The following TSPAN14 variants were observed in gnomAD, a reference collection of about 807,000 sequenced individuals.
TSPAN14 encodes the protein tetraspanin 14, also known as tetraspanin-14.
TSPAN14 carries 16 observed loss-of-function variants against 36.6 expected under a neutral mutation model. The ratio of observed to expected loss-of-function variants is 0.44; its 90% CI spans 0.30 to 0.66. TSPAN14 has a LOEUF of 0.66. Ranked by LOEUF, TSPAN14 falls within the 30% of genes least tolerant of loss-of-function variation. The pLI, the probability that TSPAN14 is intolerant of heterozygous loss-of-function variation, is 0.12. For synonymous variants in TSPAN14, 139 were observed against 143.8 expected (o/e 0.97, Z 0.24); for missense variants, 231 against 355.1 (o/e 0.65, Z 2.81).
intron 2 of TSPAN14, among the ~76,000 whole-genome samples, chr10:80,496,814 A>AT (rs1332809214): frequency 2.0e-5 from 3 of 151,786 alleles, no homozygotes; most frequent in Non-Finnish European, 4.4e-5. Flanking sequence ...ACATTTAGGT[A>AT]TTTTTTATGT....
chr10:80,478,879 A>G (rs890837910), intron 1 of TSPAN14, among the ~76,000 whole-genome samples: 3 of 152,170 alleles, frequency 2.0e-5, no homozygotes, highest in Non-Finnish European at 2.9e-5. Flanking sequence ...AAAATTCCAC[A>G]ATGGTTGAAC....
At chr10:80,518,292 C>T (rs1167740755) in exon 9 of TSPAN14, 1 of 416,990 alleles carries the variant, frequency 2.4e-6, no homozygotes, top group Admixed American at 4.0e-5. Context: ...GACTCAGACC[C>T]CCTGCAGCTC....
intron 4 of TSPAN14, among the ~76,000 whole-genome samples, chr10:80,507,603 C>G (rs1452591405): frequency 2.0e-5 from 3 of 152,212 alleles, no homozygotes; most frequent in Admixed American, 2.0e-4. Flanking sequence ...TGGGAGGAGC[C>G]AGCTGCCTAT....
chr10:80,463,967 A>G (rs911345705), intron 1 of TSPAN14, among the ~76,000 whole-genome samples: 5 of 152,202 alleles, frequency 3.3e-5, no homozygotes, highest in African/African-American at 4.8e-5. Flanking sequence ...CTCCATATTT[A>G]CAGCCCTTGG....
chr10:80,520,839 C>T, exon 9 of TSPAN14: 2 of 532,728 alleles, frequency 3.8e-6, no homozygotes, highest in South Asian at 2.8e-5. Context: ...CCAGACACTG[C>T]ACCTCCTGAA....
intron 8 of TSPAN14, 21 bp downstream of exon 8, chr10:80,516,344 G>C: frequency 6.2e-7 from 1 of 1,613,682 alleles, no homozygotes; most frequent in Non-Finnish European, 8.5e-7. Context: ...GGAGCCTATA[G>C]GATTGGCAGG....
intron 1 of TSPAN14, among the ~76,000 whole-genome samples, chr10:80,457,032 A>T (rs1344193788): frequency 1.3e-5 from 2 of 151,944 alleles, no homozygotes; most frequent in Non-Finnish European, 2.9e-5. Flanking sequence ...GTTGCACTCC[A>T]GCCTGGGCAA....
At chr10:80,499,577 C>A (rs1387999111) in intron 2 of TSPAN14, among the ~76,000 whole-genome samples, 1 of 152,160 alleles carries the variant, frequency 6.6e-6, no homozygotes, top group East Asian at 1.9e-4. Context: ...TGGTAAGATA[C>A]TGTGTTGCCA....
At chr10:80,477,851 C>G (rs1564719641) in intron 1 of TSPAN14, among the ~76,000 whole-genome samples, 1 of 152,166 alleles carries the variant, frequency 6.6e-6, no homozygotes, top group Non-Finnish European at 1.5e-5. Context: ...ACATTGACAG[C>G]CAGGCCCTTA....
chr10:80,462,651 G>A (rs1846040757), intron 1 of TSPAN14, among the ~76,000 whole-genome samples: 1 of 152,182 alleles, frequency 6.6e-6, no homozygotes, highest in Non-Finnish European at 1.5e-5. Flanking sequence ...TCTCTTTAGT[G>A]AGGAATAAAT....
intron 1 of TSPAN14, among the ~76,000 whole-genome samples, chr10:80,488,043 C>G (rs75485227): frequency 6.6e-6 from 1 of 152,228 alleles, no homozygotes; most frequent in Admixed American, 6.5e-5. Flanking sequence ...TGGTTTCTCA[C>G]TGGCGGATGT....
At chr10:80,519,513 G>GGTTTT (rs1564752029) in exon 9 of TSPAN14, 59 of 34,456 alleles carry the variant, frequency 1.7e-3, no homozygotes, top group African/African-American at 0.014. Flanking sequence ...TGTTGATGAT[G>GGTTTT]ATTTTTTTTT....
At chr10:80,512,779 T>C (rs1840728154) in intron 6 of TSPAN14, among the ~76,000 whole-genome samples, 1 of 152,114 alleles carries the variant, frequency 6.6e-6, no homozygotes, top group Non-Finnish European at 1.5e-5. Flanking sequence ...CTGGAACCTC[T>C]GTCTCCTGGG....
chr10:80,495,183 A>G lies in TSPAN14; in HGVS notation c.81+5869A>G, dbSNP rs185500659. On this transcript the variant is annotated intron_variant, in intron 2 of 8. Transcript: ENST00000429989. ...TAATACGCATTCTTCCCTTTAGGGA[A>G]GGGAGGGAAATTATTTGCTGAGATA... is the stretch of plus-strand genomic sequence containing the variant. 2.6e-5 allele frequency among the ~76,000 whole-genome samples: 4 copies of G among 152,280 alleles called. No homozygotes were observed. The East Asian group carries it at 7.7e-4, about 29-fold the overall frequency.
At chr10:80,483,911 C>CAAAAAAAA (rs57795678) in intron 1 of TSPAN14, among the ~76,000 whole-genome samples, 1 of 16,528 alleles carries the variant, frequency 6.1e-5, no homozygotes, top group Non-Finnish European at 1.1e-4. Context: ...ACTCTTGTCT[C>CAAAAAAAA]AAAAAAAAAA....
At chr10:80,477,439 C>T (rs1269035135) in intron 1 of TSPAN14, among the ~76,000 whole-genome samples, 1 of 152,138 alleles carries the variant, frequency 6.6e-6, no homozygotes. Context: ...TAAACCCCCA[C>T]ATAAGATAAA....
In TSPAN14 at chr10:80,494,402, C is replaced by G. The variant is rs190673874; in HGVS notation, c.81+5088C>G. On this transcript the variant is annotated intron_variant, in intron 2 of 8. Coordinates refer to ENST00000429989, the Ensembl canonical transcript of TSPAN14. ...TTTGAGAGAGTCTTGCGAATTTTGC[C>G]AGAACAACAGGTGTACCCCAGGCCT... 1.8e-4 allele frequency among the ~76,000 whole-genome samples: 27 copies of G among 152,310 alleles called. No homozygotes were observed. The East Asian group carries it at 5.2e-3, about 29-fold the overall frequency.
At chr10:80,511,492 G>A (rs1469121757) in intron 5 of TSPAN14, among the ~76,000 whole-genome samples, 1 of 152,144 alleles carries the variant, frequency 6.6e-6, no homozygotes, top group African/African-American at 2.4e-5. Context: ...CCTGTCTGAG[G>A]AGGCTGGAAG....
rs1171754284 is a variant in TSPAN14 at position 80,462,504 on chromosome 10, C to T, written c.-18+8133C>T. Among the ~76,000 whole-genome samples the T allele has an allele frequency of 2.0e-5, 3 of 152,182 alleles. No homozygotes were observed. The East Asian group carries it at 5.8e-4, about 29-fold the overall frequency. ...ATGGTCATTGTGTCATTCCCCTCAG[C>T]AGCAGGAAAGGCTGGAATGGTTTTT... is the stretch of plus-strand genomic sequence containing the variant. On this transcript the variant is annotated intron_variant, in intron 1 of 8. Coordinates refer to ENST00000429989, the Ensembl canonical transcript of TSPAN14.
Sources: gnomAD v4.1 joint callset for allele counts (sites outside exome capture counted in the v4.1 genomes callset) on GRCh38, gnomAD v4.1.1 for gene constraint, MANE v1.5 for transcripts, NCBI Gene and HGNC (gene_info 2026-07-23, HGNC 2026-07-21) for gene names.